The following CDIN1 variants were observed in gnomAD, a reference collection of about 807,000 sequenced individuals.
The protein encoded by CDIN1 is CDAN1 interacting nuclease 1.
CDIN1 carries 33 observed loss-of-function variants against 45.3 expected under a neutral mutation model. The ratio of observed to expected loss-of-function variants is 0.73; its 90% CI spans 0.55 to 0.97. The LOEUF is 0.97. Among genes scored for constraint, CDIN1 ranks in the 50% least tolerant of loss-of-function variants. CDIN1 has a pLI of 0.00. For synonymous variants in CDIN1, 118 were observed against 124.4 expected, an observed-to-expected ratio of 0.95 and a Z score of 0.34; for missense variants, 303 against 339.4, an observed-to-expected ratio of 0.89 and a Z score of 0.84.
At chr15:36,659,777 A>C (rs1035794756) in intron 5 of CDIN1, among the ~76,000 whole-genome samples, 5 of 151,918 alleles carry the variant, frequency 3.3e-5, no homozygotes, top group African/African-American at 1.2e-4. Context: ...ATTTCTCTGG[A>C]CAGAAAATGG....
At chr15:36,613,504 G>T in intron 1 of CDIN1, 1 of 1,548,160 alleles carries the variant, frequency 6.5e-7, no homozygotes, top group African/African-American at 1.4e-5. Flanking sequence ...AGGCGGTGAA[G>T]CGCAAGATCC....
intron 1 of CDIN1, 149 bp downstream of exon 1, chr15:36,580,110 G>C: frequency 1.5e-6 from 1 of 676,878 alleles, no homozygotes; most frequent in Non-Finnish European, 2.5e-6. Context: ...GCGAAAAAAG[G>C]TTTATTCTTT....
chr15:36,641,626 T>G (rs2040111397), intron 1 of CDIN1: 1 of 152,248 alleles, frequency 6.6e-6, no homozygotes, highest in African/African-American at 2.4e-5. Context: ...TAAAACCCCA[T>G]ATATGCTAAG....
chr15:36,804,406 T>C (rs1316895912), intron 10 of CDIN1, among the ~76,000 whole-genome samples: 1 of 152,102 alleles, frequency 6.6e-6, no homozygotes, highest in Non-Finnish European at 1.5e-5. Flanking sequence ...AATGCAAAGC[T>C]GTCTGATCAT....
At chr15:36,624,884 A>T (rs899187718) in intron 1 of CDIN1, among the ~76,000 whole-genome samples, 2 of 152,186 alleles carry the variant, frequency 1.3e-5, no homozygotes, top group South Asian at 2.1e-4. Flanking sequence ...TGCGGGTTTT[A>T]TATGAGGTTT....
At chr15:36,709,761 C>A in intron 9 of CDIN1, 95 bp from the exon 10 acceptor site, 1 of 871,718 alleles carries the variant, frequency 1.1e-6, no homozygotes, top group Non-Finnish European at 1.9e-6. Flanking sequence ...TAAGCCTGTG[C>A]TCATTAATGT....
intron 1 of CDIN1, among the ~76,000 whole-genome samples, chr15:36,621,096 G>A (rs138634709): frequency 1.3e-5 from 2 of 152,288 alleles, no homozygotes; most frequent in African/African-American, 4.8e-5. Context: ...ACCATGTTTA[G>A]AGTTCTATGT....
At chr15:36,621,931 A>G (rs1358491477) in intron 1 of CDIN1, among the ~76,000 whole-genome samples, 1 of 151,236 alleles carries the variant, frequency 6.6e-6, no homozygotes, top group East Asian at 1.9e-4. Context: ...AGAATTCATG[A>G]TAGACTAAAT....
At chr15:36,739,523 A>G (rs2044157793) in intron 10 of CDIN1, among the ~76,000 whole-genome samples, 1 of 152,256 alleles carries the variant, frequency 6.6e-6, no homozygotes, top group Non-Finnish European at 1.5e-5. Flanking sequence ...TCTGAGAGAA[A>G]TAATACCAAC....
intron 10 of CDIN1, among the ~76,000 whole-genome samples, chr15:36,786,784 G>C (rs2054502426): frequency 6.6e-6 from 1 of 152,140 alleles, no homozygotes; most frequent in South Asian, 2.1e-4. Context: ...GGGTGTAACT[G>C]CTCTGATAGT....
At chr15:36,766,087 G>C (rs1312606076) in intron 10 of CDIN1, among the ~76,000 whole-genome samples, 11 of 152,114 alleles carry the variant, frequency 7.2e-5, no homozygotes, top group Admixed American at 7.2e-4. Context: ...CCCGGTCCCT[G>C]GCAACTACCA....
chr15:36,707,350 G>A (rs922154750), intron 8 of CDIN1: 3 of 152,030 alleles, frequency 2.0e-5, no homozygotes, highest in Non-Finnish European at 4.4e-5. Flanking sequence ...GAGAGAGAGC[G>A]AGCCAGTTGT....
At chr15:36,626,468 C>T (rs2039430361) in intron 1 of CDIN1, among the ~76,000 whole-genome samples, 2 of 152,078 alleles carry the variant, frequency 1.3e-5, no homozygotes, top group Admixed American at 1.3e-4. Context: ...ACAATCATTG[C>T]TTTCCACCGT....
rs189236078 is a variant in CDIN1 at position 36,700,874 on chromosome 15, G to A, written c.544+3484G>A. The stretch of plus-strand genomic sequence containing the variant: ...AGGATCACATGAGGCCAGGATTCAA[G>A]ACCAGCCTGGGCAATATAGGGAGAT... On this transcript the variant is annotated intron_variant, in intron 8 of 10. Transcript: ENST00000566621. Among the ~76,000 whole-genome samples, 32 of 151,928 alleles carry A rather than the reference G, an allele frequency of 2.1e-4. No individual in the cohort carries two copies. The East Asian group carries it at 5.4e-3, about 26-fold the overall frequency.
intron 10 of CDIN1, among the ~76,000 whole-genome samples, chr15:36,724,621 A>C (rs1268615631): frequency 6.6e-6 from 1 of 152,168 alleles, no homozygotes; most frequent in African/African-American, 2.4e-5. Context: ...TGGTAGAAAG[A>C]GATTAAGTGG....
chr15:36,633,426 A>C (rs1402738741), intron 1 of CDIN1, among the ~76,000 whole-genome samples: 1 of 152,146 alleles, frequency 6.6e-6, no homozygotes, highest in African/African-American at 2.4e-5. Flanking sequence ...ATATATTCAC[A>C]AAAAATAGGG....
Position 36,593,136 on chromosome 15 carries a change from A to G in CDIN1, c.101+13175A>G, listed in dbSNP as rs138906885. ...TACTACACTGGTTGCTACTGCGGTT[A>G]TATTATTGGAACCATTACTTAATCA... On this transcript the variant is annotated intron_variant, in intron 1 of 10. Transcript: ENST00000566621. 2.6e-3 allele frequency among the ~76,000 whole-genome samples: 391 copies of G among 152,316 alleles called. 3 individuals carry two copies. The highest frequency in any genetic ancestry group is 9.1e-3 in the African/African-American group (378 of 41,574).
chr15:36,637,511 T>C (rs964271060), intron 1 of CDIN1, among the ~76,000 whole-genome samples: 1 of 152,086 alleles, frequency 6.6e-6, no homozygotes, highest in African/African-American at 2.4e-5. Context: ...TCTTCTGTAG[T>C]GTTGGTGGGA....
intron 1 of CDIN1, among the ~76,000 whole-genome samples, chr15:36,630,648 C>T (rs935260049): frequency 4.6e-5 from 7 of 152,144 alleles, no homozygotes; most frequent in African/African-American, 2.4e-5. Context: ...AAGGGAATAC[C>T]GGAGGCTGGG....
Sources: gnomAD v4.1 joint callset for allele counts (sites outside exome capture counted in the v4.1 genomes callset) on GRCh38, gnomAD v4.1.1 for gene constraint, MANE v1.5 for transcripts, NCBI Gene and HGNC (gene_info 2026-07-23, HGNC 2026-07-21) for gene names.